Variants in CLCN5 observed in about 807,000 individuals in gnomAD.
The protein encoded by CLCN5 is Cl-/H+ antiporter 5.
In CLCN5, 17 loss-of-function variants were observed where a neutral mutation model predicts 54.0. The ratio of observed to expected loss-of-function variants is 0.31; its 90% CI spans 0.22 to 0.47. The LOEUF (loss-of-function observed/expected upper bound fraction) is 0.47, where lower values mean the gene tolerates loss of function less well. Ranked by LOEUF, CLCN5 falls within the 20% of genes least tolerant of loss-of-function variation. CLCN5 has a pLI of 1.00. For missense variants in CLCN5, 448 were observed against 646.7 expected (o/e 0.69, Z 3.33); for synonymous variants, 222 against 233.0 (o/e 0.95, Z 0.43).
chrX:50,029,980 C>A (rs1557185624), intron 3 of CLCN5, among the ~76,000 whole-genome samples: 1 of 111,896 alleles, frequency 8.9e-6, no homozygotes, highest in East Asian at 2.8e-4. Context: ...CTATTCTTAC[C>A]CCAGTGCCAT....
chrX:50,008,606 G>A (rs782400986), intron 3 of CLCN5: 4 of 292,674 alleles, frequency 1.4e-5, no homozygotes, highest in Admixed American at 9.6e-5. Flanking sequence ...ATGATACTAA[G>A]TTGAGTAATG....
chrX:50,086,776 G>A lies in CLCN5; in HGVS notation c.1463G>A (p.Arg488Lys). 1 of 1,211,392 alleles carries A rather than the reference G, an allele frequency of 8.3e-7. No homozygotes were observed. ...AGCAAAGGGGGTGAACTGCCTGACAGACCGGCTGGCGTGGGAGTCTACAGT... is the reference window on the plus strand; with the variant it reads ...AGCAAAGGGGGTGAACTGCCTGACAAACCGGCTGGCGTGGGAGTCTACAGT... ...NTSKGGELPD[R>K]PAGVGVYSAM... is the part of the protein sequence containing the mutation. The change falls in exon 11 of 15, where the codon AGA (arginine) becomes AAA (lysine). Residue 488 changes from arginine (R) to lysine (K), a missense_variant. This residue lies in a region of CLCN5 where 297 missense variants were observed against 470.4 expected (regional missense o/e 0.63). Transcript: ENST00000376091.
At chrX:50,087,899 CCT>C (rs1312112857) in intron 11 of CLCN5, among the ~76,000 whole-genome samples, 3 of 111,798 alleles carry the variant, frequency 2.7e-5, no homozygotes, top group African/African-American at 9.7e-5. Context: ...TCATCATTTC[CCT>C]CTCTCAGTAC....
intron 3 of CLCN5, chrX:50,009,745 C>T (rs1557182188): frequency 7.8e-6 from 3 of 384,867 alleles, no homozygotes; most frequent in Admixed American, 5.1e-5. Flanking sequence ...AATCCTTTGT[C>T]CCTGGGTGAG....
At chrX:49,952,248 G>GA (rs201440165) in intron 3 of CLCN5, among the ~76,000 whole-genome samples, 1 of 109,783 alleles carries the variant, frequency 9.1e-6, no homozygotes, top group African/African-American at 3.3e-5. Flanking sequence ...AACAGTGGGG[G>GA]AAAAAAATAC....
chrX:50,047,627 C>T (rs1010933735), intron 4 of CLCN5, among the ~76,000 whole-genome samples: 1 of 111,497 alleles, frequency 9.0e-6, no homozygotes, highest in African/African-American at 3.3e-5. Flanking sequence ...CTAAGTGTCT[C>T]ATCCAGGATA....
At chrX:50,014,551 A>G (rs782153801) in intron 3 of CLCN5, 1 of 332,831 alleles carries the variant, frequency 3.0e-6, no homozygotes, top group South Asian at 2.7e-5. Flanking sequence ...TGTGTAACAG[A>G]GAACCTTCTC....
chrX:50,056,589 T>C (rs953679320), intron 4 of CLCN5, among the ~76,000 whole-genome samples: 1 of 111,974 alleles, frequency 8.9e-6, no homozygotes, highest in Admixed American at 9.5e-5. Flanking sequence ...CATGCTGTTT[T>C]GGTTACTTTG....
At chrX:49,933,480 A>G (rs1925767570) in intron 3 of CLCN5, among the ~76,000 whole-genome samples, 1 of 111,982 alleles carries the variant, frequency 8.9e-6, no homozygotes, top group South Asian at 3.7e-4. Flanking sequence ...CTGAATCTGA[A>G]CCCAGGTCTG....
At chrX:50,047,761 T>C (rs1017159283) in intron 4 of CLCN5, among the ~76,000 whole-genome samples, 1 of 111,470 alleles carries the variant, frequency 9.0e-6, no homozygotes, top group African/African-American at 3.3e-5. Flanking sequence ...AGGTATTTTG[T>C]AGAATGTCTC....
chrX:49,936,020 C>A (rs1557169608), intron 3 of CLCN5, among the ~76,000 whole-genome samples: 1 of 111,135 alleles, frequency 9.0e-6, no homozygotes, highest in African/African-American at 3.3e-5. Context: ...CTCATTGAAT[C>A]TTTCTTTAAT....
At chrX:50,026,121 T>C (rs1397714233) in intron 3 of CLCN5, among the ~76,000 whole-genome samples, 1 of 112,186 alleles carries the variant, frequency 8.9e-6, no homozygotes, top group Non-Finnish European at 1.9e-5. Context: ...AATTTTTCTT[T>C]AGACTTCTTT....
At chrX:49,965,062 T>G (rs1927775986) in intron 3 of CLCN5, among the ~76,000 whole-genome samples, 1 of 111,403 alleles carries the variant, frequency 9.0e-6, no homozygotes, top group Non-Finnish European at 1.9e-5. Flanking sequence ...TTGAAATAAG[T>G]CAGTCAACAG....
intron 3 of CLCN5, among the ~76,000 whole-genome samples, chrX:50,026,978 T>C (rs782130044): frequency 9.0e-6 from 1 of 111,079 alleles, no homozygotes; most frequent in African/African-American, 3.3e-5. Flanking sequence ...TAGTCATTAT[T>C]ACTTTATGTA....
chrX:49,946,736 C>T (rs1483767736), intron 3 of CLCN5, among the ~76,000 whole-genome samples: 6 of 111,391 alleles, frequency 5.4e-5, no homozygotes, highest in Non-Finnish European at 7.5e-5. Flanking sequence ...AGGAGGTGGG[C>T]GTCATTGGGG....
chrX:49,928,137 T>C (rs1453470212), intron 3 of CLCN5, among the ~76,000 whole-genome samples: 1 of 112,115 alleles, frequency 8.9e-6, no homozygotes, highest in East Asian at 2.8e-4. Context: ...TATTTCAAAA[T>C]GGCTTGAAGT....
chrX:50,055,051 G>T (rs138021397), intron 4 of CLCN5, among the ~76,000 whole-genome samples: 1 of 111,417 alleles, frequency 9.0e-6, no homozygotes, highest in African/African-American at 3.3e-5. Flanking sequence ...TGCCAGAAAT[G>T]TTGGGTCTCA....
At chrX:50,057,506 T>C (rs1932777884) in intron 4 of CLCN5, among the ~76,000 whole-genome samples, 1 of 34 alleles carries the variant, frequency 0.029, no homozygotes, top group South Asian at 1. Context: ...TCCAGGACTC[T>C]CCTGGATAGA....
chrX:50,081,224 T>G (rs982107175), intron 8 of CLCN5, among the ~76,000 whole-genome samples: 2 of 105,916 alleles, frequency 1.9e-5, no homozygotes, highest in Non-Finnish European at 3.9e-5. Flanking sequence ...AAGTCACAAT[T>G]TTTTTTTTTT....
Sources: allele counts gnomAD v4.1 joint callset (sites outside exome capture counted in the v4.1 genomes callset), GRCh38; gene constraint gnomAD v4.1.1; regional missense constraint gnomAD v4.1.1; transcripts MANE v1.5; gene names NCBI Gene and HGNC (gene_info 2026-07-23, HGNC 2026-07-21).